PRSS12: variants seen among roughly 807,000 people sequenced by gnomAD.
The protein encoded by PRSS12 is neurotrypsin.
A neutral mutation model predicts 104.4 loss-of-function variants in PRSS12; 85 were observed. The observed-to-expected ratio is 0.81, with a 90% CI of 0.68 to 0.98. The LOEUF (loss-of-function observed/expected upper bound fraction) is 0.98. PRSS12 is among the 50% of genes least tolerant of loss of function. The pLI, the probability that PRSS12 is intolerant of heterozygous loss-of-function variation, is 0.00. For missense variants in PRSS12, 1,141 were observed against 1,139.2 expected (o/e 1.00, Z -0.02); for synonymous variants, 454 against 425.2 (o/e 1.07, Z -0.83).
At chr4:118,338,505 A>C (rs1427451089) in intron 1 of PRSS12, among the ~76,000 whole-genome samples, 191 bp from the exon 2 acceptor site, 1 of 152,118 alleles carries the variant, frequency 6.6e-6, no homozygotes, top group Non-Finnish European at 1.5e-5. Context: ...CTTTTTTGTA[A>C]TTAACATCCT....
At chr4:118,306,675 C>T (rs1375388566) in intron 8 of PRSS12, among the ~76,000 whole-genome samples, 3 of 152,152 alleles carry the variant, frequency 2.0e-5, no homozygotes, top group African/African-American at 7.2e-5. Flanking sequence ...CCAGATCCCA[C>T]CTCCAATATT....
At chr4:118,338,387 T>C (rs1008713557) in intron 1 of PRSS12, 73 bp from the exon 2 acceptor site, 23 of 1,572,602 alleles carry the variant, frequency 1.5e-5, no homozygotes, top group Non-Finnish European at 2.0e-5. Context: ...AGTCCTGGGT[T>C]AACATGATTT....
chr4:118,301,693 T>C (rs1007268426), intron 8 of PRSS12, among the ~76,000 whole-genome samples: 1 of 152,222 alleles, frequency 6.6e-6, no homozygotes, highest in Non-Finnish European at 1.5e-5. Flanking sequence ...ACAAAGTGTA[T>C]TCCTAGTTTT....
At position 118,352,280 on chromosome 4, in the gene PRSS12, G is replaced by T. The variant is rs748813067; in HGVS notation, c.441C>A (p.Pro147=). The change falls in exon 1 of 13, where the codon CCC becomes CCA. Residue 147 remains proline (P), a synonymous_variant. Coordinates refer to ENST00000296498, the MANE Select transcript of PRSS12 (RefSeq NM_003619.4). ...CACGGGCGTCTCCGTAGAAACACCAGGGTCTGCCCGCGCCGTCGGGGCTCC... is the reference window on the plus strand; with the variant it reads ...CACGGGCGTCTCCGTAGAAACACCATGGTCTGCCCGCGCCGTCGGGGCTCC... ...FCRSPDGAGR[P]WCFYGDARGK... 3.1e-6 allele frequency: 5 copies of T among 1,609,632 alleles called. No homozygotes were observed. Among genetic ancestry groups the T allele is most frequent in the Non-Finnish European group, 2.5e-6 (3 of 1,179,122 alleles).
At chr4:118,297,006 C>T (rs944380604) in intron 9 of PRSS12, among the ~76,000 whole-genome samples, 1 of 152,060 alleles carries the variant, frequency 6.6e-6, no homozygotes, top group African/African-American at 2.4e-5. Context: ...GGGCAAAGAA[C>T]CAGCCTGCAA....
rs1220771443 is a variant in PRSS12 at position 118,298,818 on chromosome 4, A to C, written c.1752T>G (p.Ile584Met). The change falls in exon 9 of 13, where the codon ATT becomes ATG. Residue 584 changes from isoleucine (I) to methionine (M), a missense_variant. Transcript: ENST00000296498. ...CACTGTGGCGGCAGTTGTGTCTTCC[A>C]ATATCTTGCTTGATACAGTCAGCCA... ...RSLADCIKQD[I>M]GRHNCRHSED... 2 of 1,614,034 alleles carry C rather than the reference A, an allele frequency of 1.2e-6. No homozygotes were observed. The highest frequency in any genetic ancestry group is 1.7e-6 in the Non-Finnish European group (2 of 1,180,026).
rs111428724 is a variant in PRSS12 at position 118,335,669 on chromosome 4, G to A, written c.642-18C>T. On this transcript the variant is annotated intron_variant, in intron 2 of 12. Transcript: ENST00000296498. ...CTTTTCCTCTGGAAGTACAATGAGCGATATTAGGTTTATCAAATGTAGGCA... is the reference window on the plus strand; with the variant it reads ...CTTTTCCTCTGGAAGTACAATGAGCAATATTAGGTTTATCAAATGTAGGCA... 5.0e-6 allele frequency: 8 copies of A among 1,611,990 alleles called. No homozygotes were observed. Among genetic ancestry groups the A allele is most frequent in the African/African-American group, 1.3e-5 (1 of 74,822 alleles).
rs756066296 is a variant in PRSS12 at position 118,335,625 on chromosome 4, G to A, written c.668C>T (p.Pro223Leu). 47 of 1,613,830 alleles carry A rather than the reference G, an allele frequency of 2.9e-5. No homozygotes were observed. Among genetic ancestry groups the A allele is most frequent in the Middle Eastern group, 1.6e-4 (1 of 6,084 alleles). Reference sequence around the variant, plus strand: ...GGGAATAAGGCCCAGTCCAGAAAACGGGGTTTGTTTTGCTATTCCTTTTCC... The same window carrying A: ...GGGAATAAGGCCCAGTCCAGAAAACAGGGTTTGTTTTGCTATTCCTTTTCC... The part of the protein sequence containing the change: ...LGGKGIAKQT[P>L]FSGLGLIPIY... Residue 223 changes from proline to leucine, a missense_variant, in exon 3 of 13, where the codon CCG becomes CTG. Pro to Leu is a moderately conservative substitution (Grantham distance 98, BLOSUM62 -3). Transcript: ENST00000296498.
At chr4:118,343,515 A>T (rs1429629242) in intron 1 of PRSS12, among the ~76,000 whole-genome samples, 1 of 152,178 alleles carries the variant, frequency 6.6e-6, no homozygotes, top group African/African-American at 2.4e-5. Context: ...CATTCTATAT[A>T]CCCAGCTTAT....
At chr4:118,302,495 C>T (rs969687511) in intron 8 of PRSS12, among the ~76,000 whole-genome samples, 1 of 152,190 alleles carries the variant, frequency 6.6e-6, no homozygotes, top group Non-Finnish European at 1.5e-5. Flanking sequence ...GGCACAATCT[C>T]AGCTTACCGC....
chr4:118,337,765 C>T (rs12646140), intron 2 of PRSS12, among the ~76,000 whole-genome samples: 4 of 151,936 alleles, frequency 2.6e-5, no homozygotes, highest in East Asian at 3.9e-4. Flanking sequence ...TAAGGCTGTG[C>T]TAATTAATTA....
In PRSS12 at chr4:118,298,832, T is replaced by C. The variant is rs758974333; in HGVS notation, c.1738A>G (p.Ile580Val). ...TGNERSLADC[I>V]KQDIGRHNCR... ...TTGTGTCTTCCAATATCTTGCTTGATACAGTCAGCCAAGGACCTCTCATTT... is the reference window on the plus strand; with the variant it reads ...TTGTGTCTTCCAATATCTTGCTTGACACAGTCAGCCAAGGACCTCTCATTT... The change falls in exon 9 of 13, where the codon ATC (isoleucine) becomes GTC (valine). Residue 580 changes from isoleucine (I) to valine (V), a missense_variant. Ile to Val is a conservative substitution (Grantham distance 29). Transcript: ENST00000296498. The C allele has an allele frequency of 3.1e-6, 5 of 1,614,194 alleles. No homozygotes were observed. The highest frequency in any genetic ancestry group is 4.2e-6 in the Non-Finnish European group (5 of 1,180,024).
chr4:118,302,700 T>C (rs1401281298), intron 8 of PRSS12, among the ~76,000 whole-genome samples: 1 of 152,234 alleles, frequency 6.6e-6, no homozygotes, highest in Non-Finnish European at 1.5e-5. Context: ...GTGCTGGGAT[T>C]ACAGGCGTGA....
chr4:118,308,518 T>C lies in PRSS12; in HGVS notation c.1549A>G (p.Ile517Val), dbSNP rs1212465433. ...CAGATTGTTCCCCACTGGCCATTGA[T>C]AAAAACCTCCACTCGTCCTTCTTTC... ...NKKEGRVEVF[I>V]NGQWGTICDD... Residue 517 changes from isoleucine to valine, a missense_variant, in exon 8 of 13, where the codon ATC (isoleucine) becomes GTC (valine). Transcript: ENST00000296498. The C allele has an allele frequency of 4.3e-6, 7 of 1,613,886 alleles. No homozygotes were observed. The highest frequency in any genetic ancestry group is 2.2e-5 in the South Asian group (2 of 91,078).
intron 2 of PRSS12, among the ~76,000 whole-genome samples, chr4:118,336,912 T>C (rs1258806288): frequency 6.6e-6 from 1 of 152,252 alleles, no homozygotes; most frequent in African/African-American, 2.4e-5. Flanking sequence ...TTTGCCAGAC[T>C]AAGTATTCAT....
chr4:118,291,102 A>G (rs1331658516), intron 11 of PRSS12, among the ~76,000 whole-genome samples: 1 of 151,696 alleles, frequency 6.6e-6, no homozygotes, highest in Non-Finnish European at 1.5e-5. Flanking sequence ...TATGCCACAA[A>G]TCTCCAAATG....
chr4:118,304,750 A>G (rs547369930), intron 8 of PRSS12, among the ~76,000 whole-genome samples: 2 of 152,158 alleles, frequency 1.3e-5, no homozygotes, highest in South Asian at 4.1e-4. Flanking sequence ...GACATTATGT[A>G]ATGCATCAAT....
intron 8 of PRSS12, among the ~76,000 whole-genome samples, chr4:118,306,588 G>A (rs762415985): frequency 4.6e-5 from 7 of 152,026 alleles, no homozygotes; most frequent in Non-Finnish European, 7.4e-5. Flanking sequence ...TGAACTCAGG[G>A]CATGAGCTCA....
chr4:118,292,457 C>A (rs1743151097), intron 11 of PRSS12, among the ~76,000 whole-genome samples: 1 of 152,038 alleles, frequency 6.6e-6, no homozygotes, highest in Non-Finnish European at 1.5e-5. Flanking sequence ...AAAAATGGTG[C>A]CCTAAACTTT....
Sources: allele counts gnomAD v4.1 joint callset (sites outside exome capture counted in the v4.1 genomes callset), GRCh38; gene constraint gnomAD v4.1.1; transcripts MANE v1.5; gene names NCBI Gene and HGNC (gene_info 2026-07-23, HGNC 2026-07-21).